The following CALN1 variants were observed in gnomAD, a reference collection of about 807,000 sequenced individuals.
The protein encoded by CALN1 is calcium-binding protein 8.
CALN1 carries 17 observed loss-of-function variants against 30.6 expected under a neutral mutation model. The observed-to-expected ratio is 0.56, with a 90% CI of 0.38 to 0.83. CALN1 has a LOEUF of 0.83. Ranked by LOEUF, CALN1 falls within the 40% of genes least tolerant of loss-of-function variation. The pLI is 0.00. For missense variants in CALN1, 291 were observed against 354.9 expected, an observed-to-expected ratio of 0.82 and a Z score of 1.45; for synonymous variants, 156 against 131.4, an observed-to-expected ratio of 1.19 and a Z score of -1.28.
chr7:72,325,323 G>A (rs559281474), intron 2 of CALN1, among the ~76,000 whole-genome samples: 18 of 152,186 alleles, frequency 1.2e-4, no homozygotes, highest in African/African-American at 2.6e-4. Context: ...AATGCTGTCC[G>A]GGTGCAGTGG....
At chr7:72,097,529 T>C (rs1806317514) in intron 4 of CALN1, among the ~76,000 whole-genome samples, 1 of 151,772 alleles carries the variant, frequency 6.6e-6, no homozygotes, top group South Asian at 2.1e-4. Context: ...CAGCTGTGGC[T>C]GGGTGTGGTG....
intron 2 of CALN1, among the ~76,000 whole-genome samples, chr7:72,380,716 G>C (rs7459240): frequency 0.025 from 3,695 of 150,676 alleles, 59 homozygotes; most frequent in South Asian, 0.043. Context: ...TAGATAGATA[G>C]ATAGATACAT....
intron 5 of CALN1, among the ~76,000 whole-genome samples, chr7:71,811,550 T>C (rs948529898): frequency 6.6e-6 from 1 of 151,798 alleles, no homozygotes; most frequent in Non-Finnish European, 1.5e-5. Flanking sequence ...TTCAAAGTCA[T>C]GTTCATGAAG....
At chr7:71,982,910 G>A (rs533607732) in intron 5 of CALN1, among the ~76,000 whole-genome samples, 1 of 152,320 alleles carries the variant, frequency 6.6e-6, no homozygotes, top group South Asian at 2.1e-4. Context: ...TGTCCAACAT[G>A]GCGGCTCCAT....
At chr7:72,442,369 A>T (rs577886722) in intron 1 of CALN1, among the ~76,000 whole-genome samples, 64 of 152,366 alleles carry the variant, frequency 4.2e-4, no homozygotes, top group African/African-American at 1.5e-3. Flanking sequence ...AAGAGTTTTC[A>T]TTCTGCTGCC....
intron 2 of CALN1, among the ~76,000 whole-genome samples, chr7:72,375,846 A>AT (rs1195155911): frequency 2.0e-5 from 3 of 152,168 alleles, no homozygotes; most frequent in Non-Finnish European, 4.4e-5. Flanking sequence ...ACCATGTTGT[A>AT]TAACTATTAC....
intron 5 of CALN1, among the ~76,000 whole-genome samples, chr7:71,997,978 G>T (rs1799335874): frequency 6.6e-6 from 1 of 151,824 alleles, no homozygotes. Flanking sequence ...ACGCCACTGT[G>T]CTTGGCTTAT....
chr7:72,032,691 G>C (rs1801535167), intron 4 of CALN1, among the ~76,000 whole-genome samples: 1 of 152,296 alleles, frequency 6.6e-6, no homozygotes, highest in African/African-American at 2.4e-5. Context: ...AATGCAAATG[G>C]CAATTGTCAA....
intron 2 of CALN1, among the ~76,000 whole-genome samples, chr7:72,392,195 C>A (rs1253453764): frequency 1.3e-5 from 2 of 152,176 alleles, no homozygotes; most frequent in African/African-American, 4.8e-5. Context: ...CCATCCCAGG[C>A]ACCTGACATG....
intron 4 of CALN1, among the ~76,000 whole-genome samples, chr7:72,044,598 A>ATTTTTTTTTTTTTTTTTT (rs1563005478): frequency 1.7e-5 from 2 of 114,434 alleles, no homozygotes; most frequent in African/African-American, 6.9e-5. Context: ...TCCGCTTAAA[A>ATTTTTTTTTTTTTTTTTT]CTTTTTTTTT....
intron 5 of CALN1, among the ~76,000 whole-genome samples, chr7:71,844,927 T>C (rs929789604): frequency 6.6e-6 from 1 of 152,196 alleles, no homozygotes; most frequent in Non-Finnish European, 1.5e-5. Flanking sequence ...TCTTGCTCTG[T>C]TGCCCAGGCT....
chr7:71,885,017 T>C (rs1042854322), intron 5 of CALN1, among the ~76,000 whole-genome samples: 1 of 152,222 alleles, frequency 6.6e-6, no homozygotes, highest in Non-Finnish European at 1.5e-5. Flanking sequence ...ACATTCCCTT[T>C]CTATCAATTC....
intron 2 of CALN1, among the ~76,000 whole-genome samples, chr7:72,397,320 G>A (rs963207653): frequency 5.3e-5 from 8 of 152,168 alleles, no homozygotes; most frequent in African/African-American, 1.9e-4. Flanking sequence ...TAAGCACCCA[G>A]AGGGTCCACA....
chr7:72,112,923 C>G lies in CALN1; in HGVS notation c.245-6629G>C, dbSNP rs536595596. Among the ~76,000 whole-genome samples the G allele has an allele frequency of 4.6e-5, 7 of 152,072 alleles. No individual in the cohort carries two copies. The South Asian group carries it at 1.2e-3, about 27-fold the overall frequency. ...CTCTGAGGAAGGGCTGTTGGGGTTA[C>G]GCTTGAATCTTTTAAATCTCAAGTC... On this transcript the variant is annotated intron_variant, in intron 3 of 6. Coordinates refer to ENST00000395275, the MANE Select transcript of CALN1 (RefSeq NM_031468.4).
intron 6 of CALN1, among the ~76,000 whole-genome samples, chr7:71,804,079 AT>A (rs1199479676): frequency 5.3e-5 from 8 of 151,852 alleles, no homozygotes; most frequent in African/African-American, 1.5e-4. Context: ...TTGGGGTCTT[AT>A]TTTTTTTCTT....
intron 3 of CALN1, among the ~76,000 whole-genome samples, chr7:72,191,519 G>T: frequency 1.4e-5 from 2 of 145,698 alleles, no homozygotes; most frequent in Admixed American, 7.2e-5. Context: ...GGAGAATCGC[G>T]GGTACCCAGG....
rs1796379070 is a variant in CALN1, at chr7:71,945,829, A to T, written c.501+77828T>A. ...TAATAATAATAGAAATAAAGTACAT[A>T]ATAAATGTAATGTGGTTGCATTATC... On this transcript the variant is annotated intron_variant, in intron 5 of 6. Transcript: ENST00000395275. 2.0e-5 allele frequency among the ~76,000 whole-genome samples: 3 copies of T among 152,242 alleles called. No individual in the cohort carries two copies. In the South Asian group the frequency reaches 6.2e-4, roughly 32 times the overall value.
intron 2 of CALN1, among the ~76,000 whole-genome samples, chr7:72,383,754 G>A (rs1805046769): frequency 6.6e-6 from 1 of 152,174 alleles, no homozygotes; most frequent in Admixed American, 6.5e-5. Flanking sequence ...AAGAGAATAA[G>A]CAATGATTTC....
At chr7:72,377,455 G>GTGTGTGTGTA (rs1804633828) in intron 2 of CALN1, among the ~76,000 whole-genome samples, 1 of 151,616 alleles carries the variant, frequency 6.6e-6, no homozygotes, top group African/African-American at 2.4e-5. Flanking sequence ...GTGTGTGTGT[G>GTGTGTGTGTA]TGTGTGTGTG....
Sources: allele counts gnomAD v4.1 joint callset (sites outside exome capture counted in the v4.1 genomes callset), GRCh38; gene constraint gnomAD v4.1.1; transcripts MANE v1.5; gene names NCBI Gene and HGNC (gene_info 2026-07-23, HGNC 2026-07-21).